Variants in DAB1 observed in about 807,000 individuals in gnomAD.
The protein encoded by DAB1 is DAB adaptor protein 1, also known as disabled homolog 1.
DAB1 carries 15 observed loss-of-function variants against 64.6 expected under a neutral mutation model. The observed-to-expected ratio is 0.23, with a 90% CI of 0.16 to 0.36. The LOEUF is 0.36. DAB1 is among the 10% of genes least tolerant of loss of function. The pLI, the probability that DAB1 is intolerant of heterozygous loss-of-function variation, is 1.00. For missense variants in DAB1, 596 were observed against 706.7 expected, an observed-to-expected ratio of 0.84 and a Z score of 1.78; for synonymous variants, 235 against 251.9, an observed-to-expected ratio of 0.93 and a Z score of 0.64.
chr1:57,067,063 T>A (rs1310088516), intron 8 of DAB1, among the ~76,000 whole-genome samples: 2 of 152,124 alleles, frequency 1.3e-5, no homozygotes, highest in Non-Finnish European at 2.9e-5. Context: ...CCCAGCCTTA[T>A]CTTCAGGCCC....
At chr1:58,523,917 C>T (rs1367476307) in intron 2 of DAB1, among the ~76,000 whole-genome samples, 1 of 152,032 alleles carries the variant, frequency 6.6e-6, no homozygotes, top group Non-Finnish European at 1.5e-5. Flanking sequence ...AAAAAAAGAA[C>T]TGGCAGCCTT....
chr1:57,366,340 C>T (rs1208772490), intron 1 of DAB1, among the ~76,000 whole-genome samples: 20 of 152,204 alleles, frequency 1.3e-4, no homozygotes, highest in Admixed American at 1.3e-3. Context: ...ATGCAACCCA[C>T]CTACGTGAAC....
intron 7 of DAB1, among the ~76,000 whole-genome samples, chr1:57,545,719 C>A (rs1474181845): frequency 6.6e-6 from 1 of 152,182 alleles, no homozygotes; most frequent in Non-Finnish European, 1.5e-5. Flanking sequence ...TTGGCTCCCA[C>A]CTCATGTTAT....
intron 6 of DAB1, among the ~76,000 whole-genome samples, chr1:57,750,794 A>G (rs905619930): frequency 6.6e-6 from 1 of 152,268 alleles, no homozygotes; most frequent in East Asian, 1.9e-4. Context: ...GCTTGAAGGT[A>G]GAGGTCATAT....
chr1:58,296,467 T>C (rs1569615195), intron 4 of DAB1, among the ~76,000 whole-genome samples: 1 of 151,826 alleles, frequency 6.6e-6, no homozygotes, highest in Non-Finnish European at 1.5e-5. Flanking sequence ...CAGGAGAGAG[T>C]ATCAAGGACA....
Position 57,560,286 on chromosome 1 carries a change from C to T in DAB1, n.625+89306G>A, listed in dbSNP as rs115148823. Among the ~76,000 whole-genome samples, 992 of 152,354 alleles carry T rather than the reference C, an allele frequency of 6.5e-3. 14 individuals carry two copies. The highest frequency in any genetic ancestry group is 0.023 in the African/African-American group (951 of 41,584). On this transcript the variant is annotated intron_variant and non_coding_transcript_variant, in intron 7 of 20. Transcript: ENST00000485760. Reference sequence around the variant, plus strand: ...CTTTTTGCTTCCGCAAGGTATCACACTGGTCCATTACATTGATGATATTAT... The same window carrying T: ...CTTTTTGCTTCCGCAAGGTATCACATTGGTCCATTACATTGATGATATTAT...
intron 5 of DAB1, among the ~76,000 whole-genome samples, chr1:58,008,368 C>T (rs1646617883): frequency 6.6e-6 from 1 of 152,034 alleles, no homozygotes; most frequent in Non-Finnish European, 1.5e-5. Flanking sequence ...CAACATAAAA[C>T]ACTATGAAAA....
rs146515650 is a variant in DAB1 at position 57,997,945 on chromosome 1, G to A, written n.388-113783C>T. 3.4e-3 allele frequency among the ~76,000 whole-genome samples: 513 copies of A among 151,772 alleles called. 5 individuals carry two copies. Among genetic ancestry groups the A allele is most frequent in the African/African-American group, 0.012 (491 of 41,378 alleles). ...GAACCTTGCACATGAACAAATCACT[G>A]TATTAAATATGATCAGTGCCAGAAG... On this transcript the variant is annotated intron_variant and non_coding_transcript_variant, in intron 5 of 20. Coordinates refer to the DAB1 transcript ENST00000485760.
chr1:58,251,787 A>T (rs1006781892), intron 4 of DAB1, among the ~76,000 whole-genome samples: 4 of 152,158 alleles, frequency 2.6e-5, no homozygotes, highest in Non-Finnish European at 5.9e-5. Context: ...GATTGGAAAG[A>T]GTGTGATTTT....
intron 5 of DAB1, among the ~76,000 whole-genome samples, chr1:58,098,862 A>G (rs1318762033): frequency 6.6e-6 from 1 of 152,186 alleles, no homozygotes; most frequent in African/African-American, 2.4e-5. Flanking sequence ...AAACTGTAAG[A>G]AAATAAATGT....
In DAB1 at chr1:57,021,427, T is replaced by C. The variant is rs115347946; in HGVS notation, c.895+2104A>G. Among the ~76,000 whole-genome samples, 817 of 152,290 alleles carry C rather than the reference T, an allele frequency of 5.4e-3. 13 individuals carry two copies. Among genetic ancestry groups the C allele is most frequent in the African/African-American group, 0.019 (773 of 41,570 alleles). The stretch of plus-strand genomic sequence containing the variant: ...AATTGTAATAATCCCCATGTGGAGA[T>C]AAATGAATCATGGGGGTGGTTTTCC... On this transcript the variant is annotated intron_variant, in intron 11 of 14. Transcript: ENST00000371236.
chr1:57,910,811 G>A (rs1014743394), intron 5 of DAB1, among the ~76,000 whole-genome samples: 1 of 152,202 alleles, frequency 6.6e-6, no homozygotes, highest in Non-Finnish European at 1.5e-5. Context: ...AGGTGTAGCA[G>A]GAATGAAGGC....
intron 4 of DAB1, among the ~76,000 whole-genome samples, chr1:58,303,792 A>C (rs1387923625): frequency 1.3e-5 from 2 of 152,194 alleles, no homozygotes; most frequent in African/African-American, 4.8e-5. Flanking sequence ...TTACACTGTA[A>C]ATGTCATAGG....
chr1:58,157,773 A>T (rs1208457627), intron 4 of DAB1, among the ~76,000 whole-genome samples: 3 of 152,116 alleles, frequency 2.0e-5, no homozygotes, highest in South Asian at 2.1e-4. Context: ...TTAGTCCATG[A>T]TCCTTCTACT....
At chr1:58,431,010 A>G (rs993946420) in intron 3 of DAB1, among the ~76,000 whole-genome samples, 1 of 152,214 alleles carries the variant, frequency 6.6e-6, no homozygotes, top group African/African-American at 2.4e-5. Flanking sequence ...GGGATCCCTG[A>G]GGTCTATGAC....
At chr1:57,758,422 G>C (rs142925924) in intron 6 of DAB1, among the ~76,000 whole-genome samples, 1 of 152,310 alleles carries the variant, frequency 6.6e-6, no homozygotes, top group African/African-American at 2.4e-5. Flanking sequence ...AGTGAAGATA[G>C]ACTTAAAAAA....
At chr1:57,173,966 C>T (rs1210726551) in intron 2 of DAB1, among the ~76,000 whole-genome samples, 1 of 152,142 alleles carries the variant, frequency 6.6e-6, no homozygotes, top group African/African-American at 2.4e-5. Flanking sequence ...AAGGTATGAT[C>T]ACTGCCCTTA....
At chr1:57,124,139 G>A (rs1656914580) in intron 4 of DAB1, among the ~76,000 whole-genome samples, 1 of 152,004 alleles carries the variant, frequency 6.6e-6, no homozygotes, top group African/African-American at 2.4e-5. Flanking sequence ...CAGTGGTAAG[G>A]AAAAAGTGAA....
At chr1:57,877,124 T>C (rs1644060272) in intron 1 of DAB1, among the ~76,000 whole-genome samples, 1 of 152,094 alleles carries the variant, frequency 6.6e-6, no homozygotes, top group Non-Finnish European at 1.5e-5. Flanking sequence ...AGTGATACTA[T>C]AAGGAAGGTA....
Sources: allele counts gnomAD v4.1 joint callset (sites outside exome capture counted in the v4.1 genomes callset), GRCh38; gene constraint gnomAD v4.1.1; transcripts MANE v1.5; gene names NCBI Gene and HGNC (gene_info 2026-07-23, HGNC 2026-07-21).